PMP22: variants seen among roughly 807,000 people sequenced by gnomAD.
PMP22 encodes the protein peripheral myelin protein 22.
In PMP22, 2 loss-of-function variants were observed where a neutral mutation model predicts 18.9. The observed-to-expected ratio is 0.11, with a 90% CI of 0.04 to 0.33. The LOEUF is 0.33. Among genes scored for constraint, PMP22 ranks in the 10% least tolerant of loss-of-function variants. PMP22 has a pLI of 1.00. For synonymous variants in PMP22, 95 were observed against 89.2 expected (o/e 1.07, Z -0.37); for missense variants, 169 against 202.2 (o/e 0.84, Z 1.00).
Position 15,239,513 on chromosome 17 carries a change from C to T in PMP22, c.277G>A (p.Gly93Arg), listed in dbSNP as rs778693173. 1.9e-6 allele frequency: 3 copies of T among 1,614,026 alleles called. No homozygotes were observed. Among genetic ancestry groups the T allele is most frequent in the South Asian group, 1.1e-5 (1 of 91,088 alleles). The change falls in exon 4 of 5, where the codon GGG becomes AGG. Residue 93 changes from glycine (G) to arginine (R), a missense_variant. Coordinates refer to ENST00000312280, the MANE Select transcript of PMP22 (RefSeq NM_000304.4). ...ATTCCAGTGATGTAAAACCTGCCCC[C>T]CTTGGTGAGGGTGAAGAGTTGGCAG... is the stretch of plus-strand genomic sequence containing the variant. Reference protein sequence around the residue: ...FFCQLFTLTKGGRFYITGIFQ... With the variant: ...FFCQLFTLTKRGRFYITGIFQ...
intron 3 of PMP22, among the ~76,000 whole-genome samples, chr17:15,246,765 C>A (rs999681394): frequency 1.3e-5 from 2 of 152,182 alleles, no homozygotes; most frequent in East Asian, 3.9e-4. Context: ...TGGTGCTGAG[C>A]ACTGGAATTA....
chr17:15,262,874 G>A (rs1018454626), intron 1 of PMP22, among the ~76,000 whole-genome samples: 4 of 152,162 alleles, frequency 2.6e-5, no homozygotes, highest in Admixed American at 6.5e-5. Flanking sequence ...GGAAGACCCA[G>A]CCAAATGTAG....
Position 15,258,871 on chromosome 17 carries a change from T to A in PMP22, c.178+223A>T. ...TGATCAGGAGGGCACTAAGGGCATGTCTCTAGGTAGAGTGAATCACAATGA... is the reference window on the plus strand; with the variant it reads ...TGATCAGGAGGGCACTAAGGGCATGACTCTAGGTAGAGTGAATCACAATGA... On this transcript the variant is annotated intron_variant, in intron 3 of 4. Transcript: ENST00000312280. This position sits in a 1 kb window ranked among gnomAD's most constrained non-coding sequence, Gnocchi z 4.1. The A allele has an allele frequency of 1.6e-6, 1 of 619,704 alleles. No individual in the cohort carries two copies. The allele number at this position is 619,704 out of a possible 1,614,324, so 38.4% of individuals were successfully genotyped here.
At chr17:15,259,391 G>A (rs530111953) in intron 2 of PMP22, among the ~76,000 whole-genome samples, 198 bp from the exon 3 acceptor site, 9 of 152,220 alleles carry the variant, frequency 5.9e-5, no homozygotes, top group Admixed American at 1.3e-4. Context: ...ACACAGAAAC[G>A]ATTATGTGCA....
intron 3 of PMP22, among the ~76,000 whole-genome samples, chr17:15,246,374 A>C (rs761472613): frequency 6.6e-6 from 1 of 152,252 alleles, no homozygotes; most frequent in Non-Finnish European, 1.5e-5. Flanking sequence ...TCTTATTTAC[A>C]AAAGCAGGTT....
At chr17:15,260,619 C>A (rs1322404298) in intron 2 of PMP22, 31 bp downstream of exon 2, 2 of 1,535,468 alleles carry the variant, frequency 1.3e-6, no homozygotes, top group Admixed American at 2.0e-5. Flanking sequence ...AAGGGCGGGC[C>A]GCGCAGGGAG....
intron 3 of PMP22, among the ~76,000 whole-genome samples, chr17:15,241,558 G>A (rs9908239): frequency 0.027 from 4,170 of 151,974 alleles, 185 homozygotes; most frequent in African/African-American, 0.091. Context: ...TTAACCCCGC[G>A]CCCCTGTCAT....
intron 3 of PMP22, among the ~76,000 whole-genome samples, chr17:15,241,635 A>G (rs1450716357): frequency 6.6e-6 from 1 of 152,206 alleles, no homozygotes; most frequent in Admixed American, 6.5e-5. Flanking sequence ...TGTTAAATCT[A>G]TATAAACAGA....
intron 3 of PMP22, among the ~76,000 whole-genome samples, chr17:15,241,395 A>G (rs1336918833): frequency 2.0e-5 from 3 of 152,200 alleles, no homozygotes; most frequent in Non-Finnish European, 4.4e-5. Flanking sequence ...TGGAATTACA[A>G]AGAAATCTGA....
chr17:15,255,116 T>C (rs569829680), intron 3 of PMP22, among the ~76,000 whole-genome samples: 2 of 152,284 alleles, frequency 1.3e-5, no homozygotes, highest in East Asian at 1.9e-4. Flanking sequence ...CTTTGAAGAA[T>C]GCTGAAATAA....
At chr17:15,247,987 A>T (rs143682833) in intron 3 of PMP22, among the ~76,000 whole-genome samples, 1 of 152,310 alleles carries the variant, frequency 6.6e-6, no homozygotes, top group East Asian at 1.9e-4. Flanking sequence ...CATCACACAG[A>T]TCGCCATTTT....
rs756392325 is a variant in PMP22, at chr17:15,258,384, T to C, written c.178+710A>G. ...GGGTGTTCCTTTCCCTCTGGGTGCC[T>C]TGGGTACCTAGTTGGTGCTTCTGCT... On this transcript the variant is annotated intron_variant, in intron 3 of 4. Coordinates refer to ENST00000312280, the MANE Select transcript of PMP22 (RefSeq NM_000304.4). This position sits in a 1 kb window ranked among gnomAD's most constrained non-coding sequence, Gnocchi z 4.1. 1.6e-4 allele frequency among the ~76,000 whole-genome samples: 25 copies of C among 152,150 alleles called. No individual in the cohort carries two copies. Among genetic ancestry groups the C allele is most frequent in the Non-Finnish European group, 2.9e-4 (20 of 68,028 alleles).
intron 4 of PMP22, among the ~76,000 whole-genome samples, chr17:15,238,762 AC>A (rs1907026595): frequency 6.6e-6 from 1 of 152,230 alleles, no homozygotes; most frequent in Admixed American, 6.5e-5. Flanking sequence ...AGTTTCTAGG[AC>A]TCTGCACACT....
At chr17:15,250,933 C>G (rs779929348) in intron 3 of PMP22, among the ~76,000 whole-genome samples, 1 of 152,202 alleles carries the variant, frequency 6.6e-6, no homozygotes, top group Non-Finnish European at 1.5e-5. Context: ...TTGCCTCTCC[C>G]CAGAATTCAT....
intron 3 of PMP22, 141 bp from the exon 4 acceptor site, chr17:15,239,752 C>A: frequency 1.4e-6 from 1 of 734,570 alleles, no homozygotes; most frequent in Non-Finnish European, 2.3e-6. Context: ...TTTTCCTTAG[C>A]AGAACTCAGA....
chr17:15,232,243 C>T (rs1021419695), intron 4 of PMP22: 2 of 152,152 alleles, frequency 1.3e-5, no homozygotes, highest in African/African-American at 4.8e-5. Flanking sequence ...GCCACATGAA[C>T]CACCCTGTTA....
At chr17:15,257,252 G>C in intron 3 of PMP22, among the ~76,000 whole-genome samples, 1 of 152,278 alleles carries the variant, frequency 6.6e-6, no homozygotes, top group East Asian at 1.9e-4. Context: ...TATTTCCAAC[G>C]GCAGAAGACA....
chr17:15,260,536 C>G (rs1909224767), intron 2 of PMP22, 114 bp downstream of exon 2: 5 of 915,038 alleles, frequency 5.5e-6, no homozygotes, highest in Non-Finnish European at 8.7e-6. Flanking sequence ...CCTGGGACGT[C>G]TGAGACTTCC....
At chr17:15,231,154 G>A in intron 4 of PMP22, 74 bp from the exon 5 acceptor site, 1 of 1,391,822 alleles carries the variant, frequency 7.2e-7, no homozygotes, top group Non-Finnish European at 1.0e-6. Context: ...CACCCCGGAT[G>A]CTGACAATTG....
Sources: allele counts gnomAD v4.1 joint callset (sites outside exome capture counted in the v4.1 genomes callset), GRCh38; gene constraint gnomAD v4.1.1; non-coding constraint Gnocchi (gnomAD v3.1); transcripts MANE v1.5; gene names NCBI Gene and HGNC (gene_info 2026-07-23, HGNC 2026-07-21).